Variants in PEX5L observed in about 807,000 individuals in gnomAD.
The protein encoded by PEX5L is peroxisomal biogenesis factor 5 like.
A neutral mutation model predicts 84.0 loss-of-function variants in PEX5L; 30 were observed. The ratio of observed to expected loss-of-function variants is 0.36; its 90% CI spans 0.27 to 0.48. The LOEUF is 0.48. PEX5L is among the 20% of genes least tolerant of loss of function. The pLI, the probability that PEX5L is intolerant of heterozygous loss-of-function variation, is 0.99. For synonymous variants in PEX5L, 270 were observed against 283.1 expected (o/e 0.95, Z 0.46); for missense variants, 533 against 754.6 (o/e 0.71, Z 3.44).
intron 2 of PEX5L, among the ~76,000 whole-genome samples, chr3:179,968,213 G>T (rs1470870481): frequency 6.6e-6 from 1 of 152,092 alleles, no homozygotes; most frequent in African/African-American, 2.4e-5. Flanking sequence ...TTAAAAAATT[G>T]TTATCTAGGT....
intron 10 of PEX5L, among the ~76,000 whole-genome samples, chr3:179,815,436 T>C (rs1725685050): frequency 6.6e-6 from 1 of 152,128 alleles, no homozygotes; most frequent in South Asian, 2.1e-4. Context: ...AATACAAAAA[T>C]TAGCTGGGCG....
chr3:179,904,457 C>A (rs900385571), intron 2 of PEX5L, among the ~76,000 whole-genome samples: 1 of 152,166 alleles, frequency 6.6e-6, no homozygotes, highest in Non-Finnish European at 1.5e-5. Flanking sequence ...TGATTCTAAG[C>A]CTCCACTTAT....
At chr3:179,859,326 G>A (rs563180600) in intron 7 of PEX5L, among the ~76,000 whole-genome samples, 169 bp from the exon 8 acceptor site, 1 of 152,284 alleles carries the variant, frequency 6.6e-6, no homozygotes, top group Non-Finnish European at 1.5e-5. Context: ...AAACTGAGAT[G>A]CTGTCAAAAT....
chr3:179,807,137 T>A (rs536728934), intron 14 of PEX5L, among the ~76,000 whole-genome samples: 5 of 152,268 alleles, frequency 3.3e-5, no homozygotes, highest in Admixed American at 3.3e-4. Context: ...GAGAAAGGCA[T>A]TTTAAACTAT....
intron 1 of PEX5L, among the ~76,000 whole-genome samples, chr3:180,001,501 T>TG (rs927531585): frequency 6.6e-6 from 1 of 151,564 alleles, no homozygotes; most frequent in African/African-American, 2.4e-5. Flanking sequence ...AAATTTTTTT[T>TG]TTGTTGTCAT....
chr3:179,973,154 C>T (rs746778426), intron 1 of PEX5L: 29 of 1,286,496 alleles, frequency 2.3e-5, no homozygotes, highest in South Asian at 1.2e-4. Flanking sequence ...GATCTGTATA[C>T]GTACCAAGTA....
chr3:179,954,180 C>T (rs1342103008), intron 2 of PEX5L, among the ~76,000 whole-genome samples: 3 of 126,418 alleles, frequency 2.4e-5, no homozygotes, highest in Non-Finnish European at 4.8e-5. Context: ...TCCACAAGAA[C>T]AAGCCCAGAA....
chr3:179,820,047 C>T (rs190921361), intron 8 of PEX5L, 71 bp from the exon 9 acceptor site: 27 of 1,599,832 alleles, frequency 1.7e-5, no homozygotes, highest in Non-Finnish European at 2.0e-5. Context: ...TTCTTCCCCC[C>T]CTAATAGATA....
intron 1 of PEX5L, among the ~76,000 whole-genome samples, chr3:179,993,779 A>G (rs1787604666): frequency 6.6e-6 from 1 of 152,190 alleles, no homozygotes; most frequent in Non-Finnish European, 1.5e-5. Context: ...CTGGAATTAC[A>G]GGCATGAGCC....
chr3:179,918,942 T>A (rs1768250745), intron 2 of PEX5L, among the ~76,000 whole-genome samples: 2 of 152,214 alleles, frequency 1.3e-5, no homozygotes, highest in African/African-American at 4.8e-5. Context: ...TTCAGAGTCC[T>A]CAAGTTCTAC....
Position 179,874,363 on chromosome 3 carries a change from C to T in PEX5L, c.690G>A (p.Glu230=). 6.2e-7 allele frequency: 1 copy of T among 1,612,878 alleles called. No individual in the cohort carries two copies. Among genetic ancestry groups the T allele is most frequent in the Non-Finnish European group, 8.5e-7 (1 of 1,179,174 alleles). ...CCACTAATTCCAATTCTGAAGCCGA[C>T]TCAGAGTTGAGGGCGCTTTTTCCAC... The part of the protein sequence containing the change: ...LSGGKSALNS[E]SASELELVAP... The change falls in exon 7 of 15, where the codon GAG becomes GAA. Residue 230 remains glutamate, a synonymous_variant. Transcript: ENST00000467460.
intron 8 of PEX5L, among the ~76,000 whole-genome samples, chr3:179,842,141 A>G (rs927604412): frequency 1.3e-5 from 2 of 152,254 alleles, no homozygotes; most frequent in African/African-American, 4.8e-5. Context: ...GGGTAATATT[A>G]TACATGCACC....
intron 1 of PEX5L, among the ~76,000 whole-genome samples, chr3:179,998,015 T>C (rs1331510365): frequency 6.6e-6 from 1 of 152,186 alleles, no homozygotes; most frequent in Non-Finnish European, 1.5e-5. Flanking sequence ...ATTATGCTGA[T>C]TGGATTCAGT....
intron 1 of PEX5L, among the ~76,000 whole-genome samples, chr3:180,016,404 A>C (rs1789950565): frequency 6.6e-6 from 1 of 152,210 alleles, no homozygotes; most frequent in Non-Finnish European, 1.5e-5. Context: ...TGTCTTTAAG[A>C]AATTTCTAAT....
In PEX5L at chr3:179,880,500, G is replaced by A. The variant is rs577892932; in HGVS notation, c.311-377C>T. Among the ~76,000 whole-genome samples, 6 of 152,346 alleles carry A rather than the reference G, an allele frequency of 3.9e-5. No homozygotes were observed. The South Asian group carries it at 8.3e-4, about 21-fold the overall frequency. ...GAGGAGTCAATCTACCATATTCAGAGATTTAGTGAAGGTTTTGAATGTCTT... is the reference window on the plus strand; with the variant it reads ...GAGGAGTCAATCTACCATATTCAGAAATTTAGTGAAGGTTTTGAATGTCTT... On this transcript the variant is annotated intron_variant, in intron 4 of 14. Transcript: ENST00000467460.
chr3:179,796,596 A>G lies in PEX5L; in HGVS notation c.*5232T>C, dbSNP rs1287927998. 6.6e-6 allele frequency: 1 copy of G among 151,634 alleles called. No individual in the cohort carries two copies. The highest frequency in any genetic ancestry group is 2.1e-4 in the South Asian group (1 of 4,784). 9.4% of individuals were successfully genotyped at this position (151,634 alleles called of 1,614,324 possible). On this transcript the variant is annotated 3_prime_UTR_variant, in exon 15 of 15. Transcript: ENST00000467460. ...TGTTATGTGTAGAATTCTGTCTTTGAGTTCATGGTATGTGTGTGAGGGTAC... is the reference window on the plus strand; with the variant it reads ...TGTTATGTGTAGAATTCTGTCTTTGGGTTCATGGTATGTGTGTGAGGGTAC...
chr3:180,005,480 G>A (rs778269557), intron 1 of PEX5L, among the ~76,000 whole-genome samples: 6 of 152,160 alleles, frequency 3.9e-5, no homozygotes, highest in Admixed American at 6.5e-5. Context: ...TGTAATCCCA[G>A]CACTTCGTGA....
At chr3:179,948,803 A>G (rs1386021323) in intron 2 of PEX5L, among the ~76,000 whole-genome samples, 1 of 152,220 alleles carries the variant, frequency 6.6e-6, no homozygotes, top group Non-Finnish European at 1.5e-5. Flanking sequence ...ATTAATCTGA[A>G]GCTTCTAAAG....
intron 1 of PEX5L, among the ~76,000 whole-genome samples, chr3:180,016,879 ATACT>A (rs1199980854): frequency 6.6e-6 from 1 of 152,254 alleles, no homozygotes; most frequent in Non-Finnish European, 1.5e-5. Context: ...GTCAATAAAC[ATACT>A]TAATTCCACA....
Sources: gnomAD v4.1 joint callset for allele counts (sites outside exome capture counted in the v4.1 genomes callset) on GRCh38, gnomAD v4.1.1 for gene constraint, MANE v1.5 for transcripts, NCBI Gene and HGNC (gene_info 2026-07-23, HGNC 2026-07-21) for gene names.